Variants in TM7SF3 observed in about 807,000 individuals in gnomAD.
TM7SF3 encodes the protein seven span transmembrane protein.
TM7SF3 carries 60 observed loss-of-function variants against 65.5 expected under a neutral mutation model. That is an observed-to-expected ratio of 0.92 (90% CI 0.74 to 1.14). The LOEUF is 1.14. Ranked by LOEUF, TM7SF3 falls within the 50% of genes most tolerant of loss-of-function variation. The pLI is 0.00. For missense variants in TM7SF3, 623 were observed against 684.8 expected (o/e 0.91, Z 1.01); for synonymous variants, 264 against 259.6 (o/e 1.02, Z -0.16).
At chr12:27,003,805 C>A (rs1427304025) in intron 1 of TM7SF3, among the ~76,000 whole-genome samples, 1 of 152,188 alleles carries the variant, frequency 6.6e-6, no homozygotes, top group East Asian at 1.9e-4. Context: ...CTGAAGTCAG[C>A]GTAGCCCGAA....
At chr12:27,003,037 C>T (rs1940896006) in intron 2 of TM7SF3, among the ~76,000 whole-genome samples, 199 bp downstream of exon 2, 1 of 152,184 alleles carries the variant, frequency 6.6e-6, no homozygotes. Flanking sequence ...CTTTTTAGGT[C>T]AGAGACTGCC....
At chr12:26,990,692 C>A in intron 5 of TM7SF3, 65 bp from the exon 6 acceptor site, 1 of 1,240,916 alleles carries the variant, frequency 8.1e-7, no homozygotes. Context: ...TGTGATAATC[C>A]CACCTACGTG....
intron 2 of TM7SF3, among the ~76,000 whole-genome samples, chr12:27,001,142 G>A (rs1251334783): frequency 7.9e-5 from 12 of 152,038 alleles, no homozygotes; most frequent in Admixed American, 7.9e-4. Flanking sequence ...TATTAGGAAG[G>A]GCACAGGAAA....
At chr12:27,012,208 T>G (rs1465930041) in intron 1 of TM7SF3, among the ~76,000 whole-genome samples, 1 of 152,224 alleles carries the variant, frequency 6.6e-6, no homozygotes, top group Non-Finnish European at 1.5e-5. Flanking sequence ...GTTCAAGTCC[T>G]ATCTGTAACC....
intron 1 of TM7SF3, among the ~76,000 whole-genome samples, chr12:27,011,398 G>GC (rs1941239098): frequency 1.3e-5 from 2 of 152,172 alleles, no homozygotes; most frequent in Non-Finnish European, 2.9e-5. Flanking sequence ...AGGGAAAACT[G>GC]CTTAAAAGTA....
At chr12:26,985,621 C>CAAAAAAAA in intron 6 of TM7SF3, among the ~76,000 whole-genome samples, 1 of 61,066 alleles carries the variant, frequency 1.6e-5, no homozygotes, top group Non-Finnish European at 2.9e-5. Context: ...GTGAGACTGT[C>CAAAAAAAA]AAAAAAAAAA....
At chr12:26,985,100 CAG>C (rs1339869225) in intron 6 of TM7SF3, among the ~76,000 whole-genome samples, 2 of 152,182 alleles carry the variant, frequency 1.3e-5, no homozygotes, top group African/African-American at 4.8e-5. Flanking sequence ...CTAAGCCTAA[CAG>C]AGAGAGACAG....
intron 6 of TM7SF3, among the ~76,000 whole-genome samples, chr12:26,985,818 T>TTTTTTC (rs1940059524): frequency 9.3e-6 from 1 of 107,480 alleles, no homozygotes; most frequent in Non-Finnish European, 1.9e-5. Context: ...TTTTTTTTTT[T>TTTTTTC]TTTTTTTTTT....
intron 5 of TM7SF3, among the ~76,000 whole-genome samples, chr12:26,994,978 A>G (rs532210076): frequency 6.6e-6 from 1 of 152,196 alleles, no homozygotes; most frequent in African/African-American, 2.4e-5. Flanking sequence ...ACCTCCTTCC[A>G]TTCACATTTC....
chr12:26,995,531 T>C (rs1940555003), intron 4 of TM7SF3, 123 bp from the exon 5 acceptor site: 1 of 1,023,738 alleles, frequency 9.8e-7, no homozygotes, highest in South Asian at 1.5e-5. Flanking sequence ...AGTTCACCTT[T>C]TGCAGTGGCA....
rs2136370624 is a variant in TM7SF3 at position 26,973,504 on chromosome 12, GC to G, written c.*460del. On this transcript the variant is annotated 3_prime_UTR_variant, in exon 12 of 12. Transcript: ENST00000343028. ...TCTTTTTGTATTCTAAAATTCAAAG[GC>G]CTAAGTATCAAATCCCTAAATCTCC... 6.5e-6 allele frequency: 1 copy of G among 153,596 alleles called. No homozygotes were observed. The highest frequency in any genetic ancestry group is 2.4e-5 in the African/African-American group (1 of 41,516). 9.5% of individuals were successfully genotyped at this position (153,596 alleles called of 1,614,324 possible).
chr12:27,014,116 A>T lies in TM7SF3; in HGVS notation c.53T>A (p.Val18Glu). The T allele has an allele frequency of 6.4e-7, 1 of 1,572,698 alleles. No individual in the cohort carries two copies. Among genetic ancestry groups the T allele is most frequent in the South Asian group, 1.2e-5 (1 of 85,612 alleles). ...VVAVLASEHR[V>E]AGAAEVFGNS... ...CCCGAAGACCTCGGCTGCACCAGCC[A>T]CCCGGTGTTCGGATGCCAGCACCGC... Residue 18 changes from valine to glutamate, a missense_variant, in exon 1 of 12, where the codon GTG (valine) becomes GAG (glutamate). Coordinates refer to ENST00000343028, the MANE Select transcript of TM7SF3 (RefSeq NM_016551.3).
chr12:26,990,357 CA>C, intron 6 of TM7SF3, 92 bp downstream of exon 6: 1 of 930,050 alleles, frequency 1.1e-6, no homozygotes, highest in Non-Finnish European at 1.7e-6. Flanking sequence ...CGTAGGGGCT[CA>C]AAAGGTATGT....
rs200972542 is a variant in TM7SF3, at chr12:27,007,727, TG to T, written c.92-4338del. On this transcript the variant is annotated intron_variant, in intron 1 of 11. Coordinates refer to ENST00000343028, the MANE Select transcript of TM7SF3 (RefSeq NM_016551.3). ...TTCTAGCATCTTAGTGGTCCCCCTG[TG>T]GCCCCTCCCAATCACATCTTCTTTC... 6.3e-3 allele frequency among the ~76,000 whole-genome samples: 967 copies of T among 152,318 alleles called. 8 individuals carry two copies. Among genetic ancestry groups the T allele is most frequent in the Middle Eastern group, 0.02 (6 of 294 alleles).
At chr12:26,975,708 A>G in intron 10 of TM7SF3, 50 bp from the exon 11 acceptor site, 1 of 1,584,496 alleles carries the variant, frequency 6.3e-7, no homozygotes. Context: ...GAACAAAAAT[A>G]GTTTATAACT....
intron 1 of TM7SF3, among the ~76,000 whole-genome samples, chr12:27,008,080 T>G (rs892535828): frequency 6.6e-6 from 1 of 151,760 alleles, no homozygotes; most frequent in Non-Finnish European, 1.5e-5. Flanking sequence ...AACCTGTGAG[T>G]AGAATTATCA....
chr12:26,999,913 T>C, intron 2 of TM7SF3: 1 of 442,934 alleles, frequency 2.3e-6, no homozygotes, highest in Non-Finnish European at 4.1e-6. Flanking sequence ...TATAACAAAG[T>C]ACCACAGGTA....
chr12:27,007,735 C>G (rs958692646), intron 1 of TM7SF3, among the ~76,000 whole-genome samples: 2 of 152,174 alleles, frequency 1.3e-5, no homozygotes, highest in African/African-American at 4.8e-5. Flanking sequence ...TGTGGCCCCT[C>G]CCAATCACAT....
At chr12:26,998,745 C>G (rs1940705294) in intron 3 of TM7SF3, among the ~76,000 whole-genome samples, 1 of 152,216 alleles carries the variant, frequency 6.6e-6, no homozygotes. Flanking sequence ...CATCCCCACA[C>G]TACTTCTAGA....
Sources: gnomAD v4.1 joint callset for allele counts (sites outside exome capture counted in the v4.1 genomes callset) on GRCh38, gnomAD v4.1.1 for gene constraint, MANE v1.5 for transcripts, NCBI Gene and HGNC (gene_info 2026-07-23, HGNC 2026-07-21) for gene names.